Variants in RIPOR2 observed in about 807,000 individuals in gnomAD.
RIPOR2 encodes the protein rho family-interacting cell polarization regulator 2.
A neutral mutation model predicts 114.5 loss-of-function variants in RIPOR2; 39 were observed. The observed-to-expected ratio is 0.34, with a 90% CI of 0.26 to 0.44. The LOEUF (loss-of-function observed/expected upper bound fraction) is 0.44. Among genes scored for constraint, RIPOR2 ranks in the 20% least tolerant of loss-of-function variants. The pLI is 1.00. For synonymous variants in RIPOR2, 445 were observed against 484.4 expected (o/e 0.92, Z 1.07); for missense variants, 1,007 against 1,255.1 (o/e 0.80, Z 2.99).
rs1209267198 is a variant in RIPOR2 at position 24,858,623 on chromosome 6, G to A, written c.715+2350C>T. Among the ~76,000 whole-genome samples, 1 of 152,122 alleles carries A rather than the reference G, an allele frequency of 6.6e-6. No homozygotes were observed. Among genetic ancestry groups the A allele is most frequent in the African/African-American group, 2.4e-5 (1 of 41,414 alleles). ...GTTTCTGAGTTTGCCTGTTAGATGAGGAAAGTGGAGGAGACAGGAGTCTAT... is the reference window on the plus strand; with the variant it reads ...GTTTCTGAGTTTGCCTGTTAGATGAAGAAAGTGGAGGAGACAGGAGTCTAT... On this transcript the variant is annotated intron_variant, in intron 8 of 21. Coordinates refer to ENST00000643898, the MANE Select transcript of RIPOR2 (RefSeq NM_001286445.3). The surrounding 1 kb of genome is among the most constrained non-coding windows in gnomAD (Gnocchi z 4.0).
chr6:24,927,182 T>TCACTACCACCA lies in RIPOR2; in HGVS notation c.61+8655_61+8656insTGGTGGTAGTG. ...ACCACAACTACAATCACCACCACCA[T>TCACTACCACCA]GACCACCACCACAACTACAAGCACC... On this transcript the variant is annotated intron_variant, in intron 1 of 21. Coordinates refer to ENST00000643898, the MANE Select transcript of RIPOR2 (RefSeq NM_001286445.3). 1.9e-3 allele frequency among the ~76,000 whole-genome samples: 6 copies of TCACTACCACCA among 3,232 alleles called. 2 individuals are homozygous for TCACTACCACCA. Among genetic ancestry groups the TCACTACCACCA allele is most frequent in the Admixed American group, 7.1e-3 (2 of 280 alleles). 2.1% of individuals were successfully genotyped at this position (3,232 alleles called of 152,430 possible).
intron 1 of RIPOR2, among the ~76,000 whole-genome samples, chr6:24,921,946 C>T (rs1056107693): frequency 8.6e-5 from 13 of 151,986 alleles, no homozygotes; most frequent in African/African-American, 3.1e-4. Flanking sequence ...TCTCTTGCCT[C>T]AGCCTCCTGA....
chr6:24,869,114 G>A lies in RIPOR2; in HGVS notation c.481C>T (p.Leu161=). 1 of 1,586,910 alleles carries A rather than the reference G, an allele frequency of 6.3e-7. No individual in the cohort carries two copies. Among genetic ancestry groups the A allele is most frequent in the Admixed American group, 1.8e-5 (1 of 57,068 alleles). The change falls in exon 6 of 22, where the codon CTG becomes TTG. Residue 161 remains leucine (L), a synonymous_variant. Transcript: ENST00000643898. ...GTTACCTTACTTATATGAAACTCCA[G>A]GCGTCTCATGTATCTTTCAATTGTT... ...IKTIERYMRR[L]EFHISKVDEL... is the part of the protein sequence containing the mutation.
intron 15 of RIPOR2, 62 bp from the exon 16 acceptor site, chr6:24,832,453 C>T: frequency 1.4e-6 from 2 of 1,420,486 alleles, no homozygotes; most frequent in East Asian, 2.5e-5. Context: ...TTTCTCTACC[C>T]AGCCTCATCC....
chr6:24,943,617 G>GA (rs760535687), intron 1 of RIPOR2, among the ~76,000 whole-genome samples: 2 of 152,008 alleles, frequency 1.3e-5, no homozygotes, highest in Non-Finnish European at 2.9e-5. Flanking sequence ...ATTTATTCAA[G>GA]AAAAATGGCT....
At chr6:24,933,511 G>A (rs965579316) in intron 1 of RIPOR2, among the ~76,000 whole-genome samples, 3 of 151,818 alleles carry the variant, frequency 2.0e-5, no homozygotes, top group African/African-American at 7.3e-5. Context: ...TGCCAAACAT[G>A]AGCCACGGCT....
chr6:24,932,588 G>A (rs1180710236), intron 1 of RIPOR2, among the ~76,000 whole-genome samples: 1 of 152,120 alleles, frequency 6.6e-6, no homozygotes, highest in African/African-American at 2.4e-5. Context: ...CAGAAAGGCA[G>A]TTTAAAAAAT....
intron 21 of RIPOR2, among the ~76,000 whole-genome samples, chr6:24,808,740 T>C (rs1386991671): frequency 2.0e-5 from 3 of 148,226 alleles, no homozygotes; most frequent in South Asian, 2.1e-4. Flanking sequence ...AAATTATTTA[T>C]AATAATTATT....
chr6:24,855,023 CAAAAAAAAAAAAA>C (rs71310727), intron 8 of RIPOR2, among the ~76,000 whole-genome samples: 76 of 54,512 alleles, frequency 1.4e-3, no homozygotes, highest in African/African-American at 4.8e-3. Context: ...AACTCCGTCT[CAAAAAAAAAAAAA>C]AAAAAAAAAG....
At chr6:25,015,411 A>C (rs1444558666) in intron 1 of RIPOR2, 1 of 152,252 alleles carries the variant, frequency 6.6e-6, no homozygotes, top group Non-Finnish European at 1.5e-5. Context: ...ACAAAATAAC[A>C]AAACCTTTTC....
At chr6:24,865,009 G>A (rs760970900) in intron 7 of RIPOR2, among the ~76,000 whole-genome samples, 2 of 152,084 alleles carry the variant, frequency 1.3e-5, no homozygotes, top group African/African-American at 2.4e-5. Context: ...GTGCAGTGGC[G>A]CGATCGTAGC....
chr6:25,034,905 C>T (rs1777168143), intron 1 of RIPOR2, among the ~76,000 whole-genome samples: 1 of 152,126 alleles, frequency 6.6e-6, no homozygotes, highest in Non-Finnish European at 1.5e-5. Flanking sequence ...ATTTTTCTTC[C>T]TTGACAGTAT....
chr6:24,826,174 G>A (rs770771994), intron 18 of RIPOR2, among the ~76,000 whole-genome samples: 2 of 152,068 alleles, frequency 1.3e-5, no homozygotes, highest in Admixed American at 6.6e-5. Context: ...TGATCCACCC[G>A]CCTTGGACTC....
intron 18 of RIPOR2, 56 bp downstream of exon 18, chr6:24,828,081 C>T: frequency 7.1e-7 from 1 of 1,400,184 alleles, no homozygotes. Flanking sequence ...TTTAAAAGAG[C>T]AGAGATAACG....
intron 1 of RIPOR2, among the ~76,000 whole-genome samples, chr6:24,997,023 C>T (rs552073997): frequency 2.0e-5 from 3 of 152,328 alleles, no homozygotes; most frequent in South Asian, 4.1e-4. Context: ...ACAAGTGTTC[C>T]TTCTCAATCT....
At chr6:24,985,339 A>C (rs1022435609) in intron 1 of RIPOR2, among the ~76,000 whole-genome samples, 2 of 149,348 alleles carry the variant, frequency 1.3e-5, no homozygotes, top group Admixed American at 1.4e-4. Flanking sequence ...GAAAGGCAAG[A>C]GGTGGGACCA....
chr6:24,840,196 G>A (rs1761556858), intron 13 of RIPOR2: 1 of 974,676 alleles, frequency 1.0e-6, no homozygotes, highest in South Asian at 4.5e-5. Flanking sequence ...AGCAATCCTG[G>A]GCTTCCCAAA....
intron 1 of RIPOR2, among the ~76,000 whole-genome samples, chr6:25,038,320 G>T (rs1777336928): frequency 1.3e-5 from 2 of 152,364 alleles, no homozygotes; most frequent in African/African-American, 4.8e-5. Flanking sequence ...TATAGTTCTT[G>T]AACCTTGGGT....
At chr6:24,945,177 A>G (rs1213147987) in intron 1 of RIPOR2, among the ~76,000 whole-genome samples, 3 of 152,168 alleles carry the variant, frequency 2.0e-5, no homozygotes, top group Admixed American at 6.5e-5. Flanking sequence ...CATAGAAGGC[A>G]GAAGAAAGGG....
Sources: gnomAD v4.1 joint callset for allele counts (sites outside exome capture counted in the v4.1 genomes callset) on GRCh38, gnomAD v4.1.1 for gene constraint, Gnocchi (gnomAD v3.1) non-coding constraint, MANE v1.5 for transcripts, NCBI Gene and HGNC (gene_info 2026-07-23, HGNC 2026-07-21) for gene names.